Variants in VHL observed in about 807,000 individuals in gnomAD.
VHL encodes the protein von Hippel-Lindau tumor suppressor.
A neutral mutation model predicts 19.2 loss-of-function variants in VHL; 10 were observed. That is an observed-to-expected ratio of 0.52 (90% CI 0.32 to 0.89). The LOEUF is 0.89. Among genes scored for constraint, VHL ranks in the 40% least tolerant of loss-of-function variants. The pLI, the probability that VHL is intolerant of heterozygous loss-of-function variation, is 0.03. For missense variants in VHL, 328 were observed against 292.7 expected (o/e 1.12, Z -0.88); for synonymous variants, 167 against 129.5 (o/e 1.29, Z -1.97).
chr3:10,149,075 G>T (rs1696336127), intron 2 of VHL, among the ~76,000 whole-genome samples: 1 of 151,114 alleles, frequency 6.6e-6, no homozygotes, highest in African/African-American at 2.4e-5. Context: ...GCTGGCAGCT[G>T]GGGGCTGGGC....
chr3:10,150,196 A>G lies in VHL; in HGVS notation c.*231A>G. On this transcript the variant is annotated 3_prime_UTR_variant, in exon 3 of 3. Transcript: ENST00000256474. The stretch of plus-strand genomic sequence containing the variant: ...CCTGCCCATTAGAGAAGTATTTATC[A>G]GGAGAAGGTGGTGGCATTTTTGCTT... 2.2e-6 allele frequency: 3 copies of G among 1,384,930 alleles called. No homozygotes were observed. The highest frequency in any genetic ancestry group is 2.8e-6 in the Non-Finnish European group (3 of 1,067,596). 85.8% of individuals were successfully genotyped at this position (1,384,930 alleles called of 1,614,324 possible). A position where few individuals can be genotyped will look rare whatever the true frequency, so the allele number is the denominator to read the frequency against.
At chr3:10,148,914 C>G (rs1306667093) in intron 2 of VHL, among the ~76,000 whole-genome samples, 1 of 151,442 alleles carries the variant, frequency 6.6e-6, no homozygotes, top group East Asian at 2.0e-4. Flanking sequence ...CTCAGGCAGT[C>G]TGCCTGCCTC....
chr3:10,153,600 A>AG lies in VHL; in HGVS notation c.*3636dup, dbSNP rs1424943498. The stretch of plus-strand genomic sequence containing the variant: ...AAGAGACGGTGAAGTTCCTATTTCA[A>AG]GTTTTTTTTTTTTTTTTTTTTTTTA... On this transcript the variant is annotated 3_prime_UTR_variant, in exon 3 of 3. Coordinates refer to ENST00000256474, the MANE Select transcript of VHL (RefSeq NM_000551.4). 7.2e-5 allele frequency among the ~76,000 whole-genome samples: 2 copies of AG among 27,758 alleles called. No individual in the cohort carries two copies. The highest frequency in any genetic ancestry group is 2.7e-4 in the African/African-American group (1 of 3,768). 18.2% of individuals were successfully genotyped at this position (27,758 alleles called of 152,430 possible).
chr3:10,146,897 G>C (rs1335918103), intron 2 of VHL, among the ~76,000 whole-genome samples: 1 of 152,196 alleles, frequency 6.6e-6, no homozygotes, highest in East Asian at 1.9e-4. Context: ...GGTTAGTTTT[G>C]TAGAATTGTA....
intron 2 of VHL, among the ~76,000 whole-genome samples, chr3:10,148,315 CT>C (rs71307724): frequency 0.068 from 8,516 of 125,308 alleles, 410 homozygotes; most frequent in African/African-American, 0.19. Context: ...ACTAGATTTT[CT>C]TTTTTTTTTT....
At position 10,150,451 on chromosome 3, in the gene VHL, C is replaced by A; in HGVS notation, c.*486C>A. The A allele has an allele frequency of 2.4e-6, 2 of 840,136 alleles. No homozygotes were observed. The highest frequency in any genetic ancestry group is 3.1e-6 in the Non-Finnish European group (2 of 643,316). The allele number at this position is 840,136 out of a possible 1,614,324, so 52.0% of individuals were successfully genotyped here. On this transcript the variant is annotated 3_prime_UTR_variant, in exon 3 of 3. Transcript: ENST00000256474. ...TTTCTCCTCTTTGAGACCCCAGTGC[C>A]TGCACATCATGAGCCTTCAGTCAGG...
In VHL at chr3:10,142,020, G is replaced by A. The variant is rs1553619400; in HGVS notation, c.173G>A (p.Arg58Gln). 4 of 1,593,070 alleles carry A rather than the reference G, an allele frequency of 2.5e-6. No individual in the cohort carries two copies. The highest frequency in any genetic ancestry group is 3.4e-6 in the Non-Finnish European group (4 of 1,171,622). The stretch of plus-strand genomic sequence containing the variant: ...GCCGAGGAGGAGATGGAGGCCGGGC[G>A]GCCGCGGCCCGTGCTGCGCTCGGTG... ...LGAEEEMEAG[R>Q]PRPVLRSVNS... Residue 58 changes from arginine (R) to glutamine (Q), a missense_variant, in exon 1 of 3, where the codon CGG becomes CAG. Physicochemically the swap from Arg to Gln is conservative, Grantham distance 43. Coordinates refer to ENST00000256474, the MANE Select transcript of VHL (RefSeq NM_000551.4).
At position 10,141,827 on chromosome 3, in the gene VHL, G is replaced by T. The variant is rs768453720; in HGVS notation, c.-21G>T. The stretch of plus-strand genomic sequence containing the variant: ...GCGGATCCCGCGGCGTCCGGCCCGG[G>T]TGGTCTGGATCGCGGAGGGAATGCC... On this transcript the variant is annotated 5_prime_UTR_variant, in exon 1 of 3. Coordinates refer to ENST00000256474, the MANE Select transcript of VHL (RefSeq NM_000551.4). 18 of 1,537,090 alleles carry T rather than the reference G, an allele frequency of 1.2e-5. No individual in the cohort carries two copies. In the South Asian group the frequency reaches 1.2e-4, roughly 10 times the overall value.
chr3:10,142,698 T>G, intron 1 of VHL: 1 of 163,540 alleles, frequency 6.1e-6, no homozygotes, highest in Non-Finnish European at 1.3e-5. Context: ...CTCCCCCCAG[T>G]CCCCCACCCC....
chr3:10,146,710 C>G (rs1696269485), intron 2 of VHL, 74 bp downstream of exon 2: 1 of 1,595,144 alleles, frequency 6.3e-7, no homozygotes, highest in Admixed American at 1.7e-5. Context: ...AAAAATTAAG[C>G]CCAGTTCTCA....
Position 10,146,452 on chromosome 3 carries a change from G to T in VHL, c.341-62G>T, listed in dbSNP as rs181985090. Reference sequence around the variant, plus strand: ...GCCTCCCAAAGTGCTGGGATTACAGGTGTGGGCCACCGTGCCCAGCCACCG... The same window carrying T: ...GCCTCCCAAAGTGCTGGGATTACAGTTGTGGGCCACCGTGCCCAGCCACCG... On this transcript the variant is annotated intron_variant, in intron 1 of 2. Coordinates refer to ENST00000256474, the MANE Select transcript of VHL (RefSeq NM_000551.4). 11 of 1,606,756 alleles carry T rather than the reference G, an allele frequency of 6.8e-6. No homozygotes were observed. Among genetic ancestry groups the T allele is most frequent in the Middle Eastern group, 1.7e-4 (1 of 6,004 alleles).
intron 2 of VHL, among the ~76,000 whole-genome samples, chr3:10,149,452 G>A (rs928730727): frequency 6.6e-6 from 1 of 152,150 alleles, no homozygotes; most frequent in African/African-American, 2.4e-5. Flanking sequence ...TAGCAGGGTA[G>A]CTCAGGGCTT....
In VHL at chr3:10,145,567, G is replaced by A. The variant is rs564157575; in HGVS notation, c.341-947G>A. Among the ~76,000 whole-genome samples, 6 of 152,086 alleles carry A rather than the reference G, an allele frequency of 3.9e-5. No individual in the cohort carries two copies. The South Asian group carries it at 8.3e-4, about 21-fold the overall frequency. On this transcript the variant is annotated intron_variant, in intron 1 of 2. Coordinates refer to ENST00000256474, the MANE Select transcript of VHL (RefSeq NM_000551.4). Reference sequence around the variant, plus strand: ...GAAAATAACAAAAAATTAGCCGGGCGTGGTGGCGGGCACCTGTGGTCCCAG... The same window carrying A: ...GAAAATAACAAAAAATTAGCCGGGCATGGTGGCGGGCACCTGTGGTCCCAG...
intron 2 of VHL, among the ~76,000 whole-genome samples, chr3:10,148,682 C>CT (rs35862660): frequency 0.85 from 118,207 of 138,876 alleles, 51,335 homozygotes; most frequent in Non-Finnish European, 0.94. Context: ...TAATAACCAC[C>CT]TTTTTTTTTT....
At chr3:10,144,864 G>A (rs1254874120) in intron 1 of VHL, among the ~76,000 whole-genome samples, 6 of 152,052 alleles carry the variant, frequency 3.9e-5, no homozygotes, top group Non-Finnish European at 8.8e-5. Context: ...CACCCATAGA[G>A]ACCTCGTCTT....
In VHL at chr3:10,152,986, T is replaced by C. The variant is rs138933035; in HGVS notation, c.*3021T>C. ...GGTGAAACCTCATCTCCACTTAAAATACAAAAATTGCCGGCCGCGGCGGCT... is the reference window on the plus strand; with the variant it reads ...GGTGAAACCTCATCTCCACTTAAAACACAAAAATTGCCGGCCGCGGCGGCT... On this transcript the variant is annotated 3_prime_UTR_variant, in exon 3 of 3. Coordinates refer to ENST00000256474, the MANE Select transcript of VHL (RefSeq NM_000551.4). Among the ~76,000 whole-genome samples, 431 of 150,222 alleles carry C rather than the reference T, an allele frequency of 2.9e-3. 1 individual carries two copies. Among genetic ancestry groups the C allele is most frequent in the Non-Finnish European group, 4.6e-3 (311 of 67,690 alleles).
intron 1 of VHL, among the ~76,000 whole-genome samples, chr3:10,145,546 A>G (rs919406563): frequency 6.6e-6 from 1 of 152,000 alleles, no homozygotes; most frequent in African/African-American, 2.4e-5. Flanking sequence ...TCTACTGAAA[A>G]TAACAAAAAA....
chr3:10,141,815 CG>C lies in VHL; in HGVS notation c.-32del, dbSNP rs1304927781. ...CGCGTCCGACCCGCGGATCCCGCGG[CG>C]TCCGGCCCGGGTGGTCTGGATCGCG... On this transcript the variant is annotated 5_prime_UTR_variant, in exon 1 of 3. Coordinates refer to ENST00000256474, the MANE Select transcript of VHL (RefSeq NM_000551.4). 6.5e-7 allele frequency: 1 copy of C among 1,535,242 alleles called. No individual in the cohort carries two copies. The highest frequency in any genetic ancestry group is 8.8e-7 in the Non-Finnish European group (1 of 1,140,268).
At position 10,150,349 on chromosome 3, in the gene VHL, C is replaced by A. The variant is rs1429132501; in HGVS notation, c.*384C>A. 3 of 1,234,928 alleles carry A rather than the reference C, an allele frequency of 2.4e-6. No individual in the cohort carries two copies. The highest frequency in any genetic ancestry group is 3.0e-5 in the African/African-American group (2 of 65,788). 76.5% of individuals were successfully genotyped at this position (1,234,928 alleles called of 1,614,324 possible). On this transcript the variant is annotated 3_prime_UTR_variant, in exon 3 of 3. Transcript: ENST00000256474. ...TTAATGGATGTATAATACATCCATT[C>A]TACATCCGTAGCGGTTGGTGACTTG...
Sources: allele counts gnomAD v4.1 joint callset (sites outside exome capture counted in the v4.1 genomes callset), GRCh38; gene constraint gnomAD v4.1.1; transcripts MANE v1.5; gene names NCBI Gene and HGNC (gene_info 2026-07-23, HGNC 2026-07-21).